ANKRD36: variants seen among roughly 807,000 people sequenced by gnomAD.
ANKRD36 encodes the protein ankyrin repeat domain 36.
A neutral mutation model predicts 278.1 loss-of-function variants in ANKRD36; 179 were observed. The ratio of observed to expected loss-of-function variants is 0.64; its 90% CI spans 0.57 to 0.73. The LOEUF is 0.73. ANKRD36 is among the 30% of genes least tolerant of loss of function. The pLI is 0.00. For synonymous variants in ANKRD36, 320 were observed against 641.1 expected, an observed-to-expected ratio of 0.50 and a Z score of 7.57; for missense variants, 1,159 against 1,956.7, an observed-to-expected ratio of 0.59 and a Z score of 7.69.
chr2:97,230,954 G>T (rs1185706196), intron 67 of ANKRD36, among the ~76,000 whole-genome samples: 1 of 152,090 alleles, frequency 6.6e-6, no homozygotes, highest in African/African-American at 2.4e-5. Flanking sequence ...CAGAACAGCA[G>T]ATTTTCATGA....
rs377070122 is a variant in ANKRD36 at position 97,195,372 on chromosome 2, G to C, written c.2551+455G>C. ...TAGCAATTATTTTCTGAATGAAGAC[G>C]GATTGTGAGGCAGGAATGTGGGAAA... On this transcript the variant is annotated intron_variant, in intron 40 of 75. Transcript: ENST00000420699. Among the ~76,000 whole-genome samples, 16 of 152,060 alleles carry C rather than the reference G, an allele frequency of 1.1e-4. No individual in the cohort carries two copies. The East Asian group carries it at 2.9e-3, about 28-fold the overall frequency.
intron 20 of ANKRD36, among the ~76,000 whole-genome samples, 172 bp downstream of exon 20, chr2:97,164,641 C>T (rs957067153): frequency 4.6e-5 from 7 of 152,414 alleles, no homozygotes; most frequent in African/African-American, 1.2e-4. Context: ...AGGCATAAGG[C>T]GGACATTTTA....
At chr2:97,216,129 G>C (rs1332197694) in intron 62 of ANKRD36, among the ~76,000 whole-genome samples, 1 of 151,902 alleles carries the variant, frequency 6.6e-6, no homozygotes, top group Non-Finnish European at 1.5e-5. Flanking sequence ...TGCTAGAATT[G>C]GGATAAAGCA....
intron 50 of ANKRD36, 24 bp downstream of exon 50, chr2:97,204,287 G>A: frequency 1.3e-6 from 2 of 1,542,454 alleles, no homozygotes; most frequent in Non-Finnish European, 1.8e-6. Context: ...GAGATTTAAT[G>A]TCATGTTCAG....
At chr2:97,153,545 A>G (rs1319411802) in intron 14 of ANKRD36, among the ~76,000 whole-genome samples, 1 of 151,212 alleles carries the variant, frequency 6.6e-6, no homozygotes, top group Middle Eastern at 3.2e-3. Context: ...CCTGAAATTC[A>G]AAGAAAGAAA....
intron 6 of ANKRD36, among the ~76,000 whole-genome samples, chr2:97,134,364 A>G (rs2040946160): frequency 6.6e-6 from 1 of 152,088 alleles, no homozygotes; most frequent in Non-Finnish European, 1.5e-5. Flanking sequence ...TGTGTACTAC[A>G]CAGCACTAAC....
At position 97,120,838 on chromosome 2, in the gene ANKRD36, T is replaced by G. The variant is rs538283107; in HGVS notation, c.487-2049T>G. Among the ~76,000 whole-genome samples, 4 of 152,268 alleles carry G rather than the reference T, an allele frequency of 2.6e-5. No homozygotes were observed. The South Asian group carries it at 6.2e-4, about 24-fold the overall frequency. ...ATGTGTTTAGTTTGTGTCTACAAAT[T>G]GTCTCAACATGGAAGGTTTAGGAGA... On this transcript the variant is annotated intron_variant, in intron 3 of 75. Transcript: ENST00000420699.
At chr2:97,200,142 T>C (rs1162975474) in intron 44 of ANKRD36, among the ~76,000 whole-genome samples, 192 bp from the exon 45 acceptor site, 1 of 151,888 alleles carries the variant, frequency 6.6e-6, no homozygotes, top group Non-Finnish European at 1.5e-5. Context: ...TAAGGGTGTA[T>C]TTCACAGAGC....
intron 67 of ANKRD36, among the ~76,000 whole-genome samples, chr2:97,233,522 G>C (rs1289623271): frequency 3.9e-5 from 6 of 152,058 alleles, no homozygotes; most frequent in Non-Finnish European, 5.9e-5. Flanking sequence ...TTTCTAAATA[G>C]CACAGGAACT....
intron 64 of ANKRD36, among the ~76,000 whole-genome samples, chr2:97,217,622 A>T (rs1362169873): frequency 2.0e-5 from 3 of 152,152 alleles, no homozygotes; most frequent in Non-Finnish European, 4.4e-5. Flanking sequence ...AGTTCAAGAC[A>T]TAAGAGATAA....
rs746123485 is a variant in ANKRD36 at position 97,193,067 on chromosome 2, G to T, written c.2449+14G>T. ...AATCTAGGACAGGTAATTTTGAAAA[G>T]AGATTTAATGTCATGTTCAGTGCAG... On this transcript the variant is annotated intron_variant, in intron 38 of 75. Coordinates refer to ENST00000420699, the MANE Select transcript of ANKRD36 (RefSeq NM_001354587.1). The T allele has an allele frequency of 1.5e-5, 23 of 1,527,594 alleles. 1 individual carries two copies. Among genetic ancestry groups the T allele is most frequent in the East Asian group, 2.6e-5 (1 of 39,044 alleles). 94.6% of individuals were successfully genotyped at this position (1,527,594 alleles called of 1,614,324 possible). A position where few individuals can be genotyped will look rare whatever the true frequency, so the allele number is the denominator to read the frequency against.
At chr2:97,218,603 T>C (rs2066562140) in intron 64 of ANKRD36, among the ~76,000 whole-genome samples, 1 of 151,972 alleles carries the variant, frequency 6.6e-6, no homozygotes, top group Non-Finnish European at 1.5e-5. Context: ...GTGTACCTTC[T>C]CAGTTATCAG....
chr2:97,220,755 A>ATTTTTTTT (rs2067293260), intron 66 of ANKRD36, among the ~76,000 whole-genome samples: 1 of 66,912 alleles, frequency 1.5e-5, no homozygotes, highest in African/African-American at 9.6e-5. Context: ...TTTAATTTTT[A>ATTTTTTTT]ATTTTCTTTT....
At chr2:97,225,464 AT>A (rs2069151988) in intron 67 of ANKRD36, among the ~76,000 whole-genome samples, 1 of 152,028 alleles carries the variant, frequency 6.6e-6, no homozygotes, top group Admixed American at 6.6e-5. Context: ...TGCCTAATGT[AT>A]TTCAATATAG....
intron 52 of ANKRD36, among the ~76,000 whole-genome samples, chr2:97,206,986 G>A (rs564768696): frequency 1.3e-4 from 20 of 151,560 alleles, no homozygotes; most frequent in African/African-American, 4.3e-4. Flanking sequence ...AATTATGCTG[G>A]ATTCTAATTA....
chr2:97,182,278 A>G (rs2056440123), intron 26 of ANKRD36, among the ~76,000 whole-genome samples: 1 of 97,128 alleles, frequency 1.0e-5, no homozygotes, highest in Non-Finnish European at 3.0e-5. Flanking sequence ...TAAGTTATTT[A>G]TGTAATTTTG....
intron 15 of ANKRD36, 95 bp downstream of exon 15, chr2:97,154,836 T>C: frequency 9.3e-7 from 1 of 1,075,122 alleles, no homozygotes; most frequent in South Asian, 1.5e-5. Context: ...ATTGTCTACC[T>C]ATCATTGTTT....
intron 17 of ANKRD36, among the ~76,000 whole-genome samples, 186 bp from the exon 18 acceptor site, chr2:97,161,913 T>C (rs576066696): frequency 3.0e-4 from 46 of 152,274 alleles, no homozygotes; most frequent in African/African-American, 1.0e-3. Context: ...TGTGTCTTTC[T>C]GCTTTTGTTT....
At position 97,113,460 on chromosome 2, in the gene ANKRD36, T is replaced by TCCC; in HGVS notation, c.-279_-277dup. ...CCTCGCGCTCCAGGGAGCCCCGCCCTCCCGCGGCACCTCCGCAGCAACCGC... is the reference window on the plus strand; with the variant it reads ...CCTCGCGCTCCAGGGAGCCCCGCCCTCCCCCCGCGGCACCTCCGCAGCAACCGC... On this transcript the variant is annotated 5_prime_UTR_variant, in exon 1 of 76. Coordinates refer to ENST00000420699, the MANE Select transcript of ANKRD36 (RefSeq NM_001354587.1). The TCCC allele has an allele frequency of 2.1e-6, 1 of 485,082 alleles. No individual in the cohort carries two copies. The highest frequency in any genetic ancestry group is 3.6e-6 in the Non-Finnish European group (1 of 276,728). 30.0% of individuals were successfully genotyped at this position (485,082 alleles called of 1,614,324 possible). A position where few individuals can be genotyped will look rare whatever the true frequency, so the allele number is the denominator to read the frequency against.
Sources: gnomAD v4.1 joint callset for allele counts (sites outside exome capture counted in the v4.1 genomes callset) on GRCh38, gnomAD v4.1.1 for gene constraint, MANE v1.5 for transcripts, NCBI Gene and HGNC (gene_info 2026-07-23, HGNC 2026-07-21) for gene names.